The following MME variants were observed in gnomAD, a reference collection of about 807,000 sequenced individuals.
MME encodes membrane metalloendopeptidase.
A neutral mutation model predicts 113.2 loss-of-function variants in MME; 98 were observed. The ratio of observed to expected loss-of-function variants is 0.87; its 90% CI spans 0.74 to 1.02. The LOEUF is 1.02. Ranked by LOEUF, MME falls within the 50% of genes least tolerant of loss-of-function variation. The pLI is 0.00. For synonymous variants in MME, 292 were observed against 300.6 expected, an observed-to-expected ratio of 0.97 and a Z score of 0.30; for missense variants, 836 against 896.0, an observed-to-expected ratio of 0.93 and a Z score of 0.86.
intron 1 of MME, among the ~76,000 whole-genome samples, chr3:155,031,696 C>A (rs931678961): frequency 6.6e-6 from 1 of 152,088 alleles, no homozygotes; most frequent in Admixed American, 6.5e-5. Flanking sequence ...TCGCTCTTGT[C>A]GCCCAGGCTG....
chr3:155,142,248 A>C lies in MME; in HGVS notation c.1106A>C (p.Asn369Thr). Residue 369 changes from asparagine to threonine, a missense_variant, in exon 12 of 23, where the codon AAT becomes ACT. Coordinates refer to ENST00000360490, the MANE Select transcript of MME (RefSeq NM_007289.4). The stretch of plus-strand genomic sequence containing the variant: ...TTTTTTTTATACAGAGATCTTCAAA[A>C]TTTAATGTCCTGGAGATTCATAATG... ...LTKYSARDLQ[N>T]LMSWRFIMDL... 1 of 1,613,624 alleles carries C rather than the reference A, an allele frequency of 6.2e-7. No individual in the cohort carries two copies. Among genetic ancestry groups the C allele is most frequent in the East Asian group, 2.2e-5 (1 of 44,864 alleles).
intron 1 of MME, among the ~76,000 whole-genome samples, chr3:155,063,662 C>CATTAT (rs1553751491): frequency 1.1e-5 from 1 of 91,558 alleles, no homozygotes; most frequent in African/African-American, 4.5e-5. Flanking sequence ...GATTATATAA[C>CATTAT]ATATTATATA....
At chr3:155,079,618 C>A (rs1271205429), upstream of MME, 1 of 822 alleles carries the variant, frequency 1.2e-3, no homozygotes, top group South Asian at 0.016. Context: ...AGCGGCGAGG[C>A]GGGGTAGGGG....
At position 155,109,856 on chromosome 3, in the gene MME, G is replaced by A. The variant is rs185193178; in HGVS notation, c.197-5138G>A. ...TTTTTCACACTCCATTTTCCAATGTGCTCCAAAGATAGCTTAGGCAGGAAC... is the reference window on the plus strand; with the variant it reads ...TTTTTCACACTCCATTTTCCAATGTACTCCAAAGATAGCTTAGGCAGGAAC... On this transcript the variant is annotated intron_variant, in intron 3 of 22. Coordinates refer to ENST00000360490, the MANE Select transcript of MME (RefSeq NM_007289.4). 3.0e-4 allele frequency among the ~76,000 whole-genome samples: 45 copies of A among 152,340 alleles called. 1 individual carries two copies. Among genetic ancestry groups the A allele is most frequent in the Admixed American group, 6.5e-4 (10 of 15,310 alleles).
chr3:155,047,477 G>T (rs965266392), intron 1 of MME, among the ~76,000 whole-genome samples: 1 of 152,138 alleles, frequency 6.6e-6, no homozygotes, highest in Non-Finnish European at 1.5e-5. Flanking sequence ...TATCCTTGTT[G>T]TTAAGCAATG....
chr3:155,172,308 A>G (rs1331838735), intron 21 of MME, 96 bp downstream of exon 21: 6 of 900,484 alleles, frequency 6.7e-6, no homozygotes, highest in Non-Finnish European at 1.1e-5. Flanking sequence ...CTTGTTTTAC[A>G]GAGCATTTGA....
intron 3 of MME, among the ~76,000 whole-genome samples, chr3:155,094,199 T>G (rs1716530714): frequency 6.6e-6 from 1 of 152,230 alleles, no homozygotes; most frequent in Non-Finnish European, 1.5e-5. Flanking sequence ...TTACTGCTTC[T>G]TTTTCCACTA....
chr3:155,029,554 C>A (rs1449076579), intron 1 of MME, among the ~76,000 whole-genome samples: 1 of 149,714 alleles, frequency 6.7e-6, no homozygotes, highest in African/African-American at 2.5e-5. Flanking sequence ...ATTAATTTAG[C>A]TCAAGCCAAG....
chr3:155,142,175 A>G, intron 11 of MME, 48 bp downstream of exon 11: 1 of 1,612,952 alleles, frequency 6.2e-7, no homozygotes, highest in Non-Finnish European at 8.5e-7. Flanking sequence ...ATTTCATATC[A>G]CTCTTCAGAA....
At chr3:155,027,142 C>T (rs1032443816) in intron 1 of MME, among the ~76,000 whole-genome samples, 1 of 152,124 alleles carries the variant, frequency 6.6e-6, no homozygotes, top group African/African-American at 2.4e-5. Flanking sequence ...TTTGGCAGTG[C>T]TACCCTGCTA....
At chr3:155,066,984 A>G (rs1022849818) in intron 1 of MME, among the ~76,000 whole-genome samples, 1 of 152,172 alleles carries the variant, frequency 6.6e-6, no homozygotes, top group African/African-American at 2.4e-5. Flanking sequence ...TCCTAACATT[A>G]GAACGCATAG....
chr3:155,067,244 A>G (rs1714409766), intron 1 of MME, among the ~76,000 whole-genome samples: 1 of 130,860 alleles, frequency 7.6e-6, no homozygotes, highest in Non-Finnish European at 1.7e-5. Context: ...GATAAAATAG[A>G]TTTTTGTATG....
At chr3:155,072,021 C>A (rs937935335) in intron 1 of MME, among the ~76,000 whole-genome samples, 1 of 151,828 alleles carries the variant, frequency 6.6e-6, no homozygotes, top group African/African-American at 2.4e-5. Flanking sequence ...ATTAGCCGGG[C>A]GCGGTGGCGG....
chr3:155,098,929 A>C (rs1716976183), intron 3 of MME, among the ~76,000 whole-genome samples: 1 of 152,084 alleles, frequency 6.6e-6, no homozygotes, highest in Non-Finnish European at 1.5e-5. Flanking sequence ...CCAGAGTCTT[A>C]AACAAGCAGA....
intron 3 of MME, among the ~76,000 whole-genome samples, chr3:155,101,561 C>T (rs1717226534): frequency 1.3e-5 from 2 of 152,182 alleles, no homozygotes; most frequent in Admixed American, 1.3e-4. Flanking sequence ...TCACTCCTGG[C>T]TCATTCCCCA....
chr3:155,149,340 A>G (rs1416684824), intron 16 of MME, among the ~76,000 whole-genome samples: 1 of 152,160 alleles, frequency 6.6e-6, no homozygotes, highest in East Asian at 1.9e-4. Flanking sequence ...CCTAGACAAC[A>G]GGGGCTATTC....
chr3:155,116,505 G>C lies in MME; in HGVS notation c.385G>C (p.Asp129His). The change falls in exon 5 of 23, where the codon GAT becomes CAT. Residue 129 changes from aspartate (D) to histidine (H), a missense_variant. Transcript: ENST00000360490. Reference sequence around the variant, plus strand: ...TGTCCTTCAAGAACCCAAAACTGAAGATATAGTAGCAGTGCAGAAAGCAAA... The same window carrying C: ...TGTCCTTCAAGAACCCAAAACTGAACATATAGTAGCAGTGCAGAAAGCAAA... ...KDVLQEPKTE[D>H]IVAVQKAKAL... 1 of 1,612,630 alleles carries C rather than the reference G, an allele frequency of 6.2e-7. No homozygotes were observed. The highest frequency in any genetic ancestry group is 8.5e-7 in the Non-Finnish European group (1 of 1,178,992).
intron 18 of MME, among the ~76,000 whole-genome samples, chr3:155,167,914 A>G (rs1210467179): frequency 2.6e-5 from 4 of 152,220 alleles, no homozygotes; most frequent in African/African-American, 7.2e-5. Flanking sequence ...CTTAATCACT[A>G]CGTCATAGGC....
rs914771996 is a variant in MME at position 155,148,512 on chromosome 3, G to A, written c.1498-38G>A. 6 of 1,397,100 alleles carry A rather than the reference G, an allele frequency of 4.3e-6. No homozygotes were observed. The African/African-American group carries it at 5.7e-5, about 13-fold the overall frequency. 86.5% of individuals were successfully genotyped at this position (1,397,100 alleles called of 1,614,324 possible). A position where few individuals can be genotyped will look rare whatever the true frequency, so the allele number is the denominator to read the frequency against. On this transcript the variant is annotated intron_variant, in intron 15 of 22. Coordinates refer to ENST00000360490, the MANE Select transcript of MME (RefSeq NM_007289.4). ...TTTAGCAAAAATTTAGAAGATACCG[G>A]TTTTAATATTTCTTCCCAAATCTTC... is the stretch of plus-strand genomic sequence containing the variant.
Sources: allele counts gnomAD v4.1 joint callset (sites outside exome capture counted in the v4.1 genomes callset), GRCh38; gene constraint gnomAD v4.1.1; transcripts MANE v1.5; gene names NCBI Gene and HGNC (gene_info 2026-07-23, HGNC 2026-07-21).